FLT1: variants seen among roughly 807,000 people sequenced by gnomAD.
FLT1 encodes vascular endothelial growth factor receptor 1.
FLT1 carries 49 observed loss-of-function variants against 156.3 expected under a neutral mutation model. The ratio of observed to expected loss-of-function variants is 0.31; its 90% confidence interval spans 0.25 to 0.40. The LOEUF is 0.40. FLT1 is among the 10% of genes least tolerant of loss of function. The probability of loss-of-function intolerance (pLI) is 1.00; values close to 1 mark genes in which losing one functional copy is unlikely to be tolerated. For missense variants in FLT1, 1,322 were observed against 1,637.2 expected (o/e 0.81, Z 3.32); for synonymous variants, 594 against 583.8 (o/e 1.02, Z -0.25).
In FLT1 at chr13:28,303,175, G is replaced by A. The variant is rs1870583579; in HGVS notation, c.4009C>T (p.Pro1337Ser). The change falls in exon 30 of 30, where the codon CCC (proline) becomes TCC (serine). Residue 1337 changes from proline (P) to serine (S), a missense_variant. Pro to Ser is a moderately conservative substitution (Grantham distance 74, BLOSUM62 -1). Transcript: ENST00000282397. The stretch of plus-strand genomic sequence containing the variant: ...AGGCTTCGTGTCAAACTCTAGATGG[G>A]TGGGGTGGAGTACAGGACCACCGAG... Reference protein sequence around the residue: ...YNSVVLYSTPPI With the variant: ...YNSVVLYSTPSI 1.2e-6 allele frequency: 2 copies of A among 1,609,696 alleles called. No individual in the cohort carries two copies. The highest frequency in any genetic ancestry group is 2.2e-5 in the South Asian group (2 of 91,062).
chr13:28,355,932 G>C (rs1872882071), intron 15 of FLT1, among the ~76,000 whole-genome samples: 1 of 152,164 alleles, frequency 6.6e-6, no homozygotes, highest in South Asian at 2.1e-4. Flanking sequence ...ACATCAACCT[G>C]GCAGAAAAAG....
chr13:28,422,734 T>C (rs1398375495), intron 10 of FLT1, among the ~76,000 whole-genome samples: 1 of 152,086 alleles, frequency 6.6e-6, no homozygotes, highest in Non-Finnish European at 1.5e-5. Flanking sequence ...AATTGTCCAG[T>C]CAGCTACCCG....
At chr13:28,397,211 T>C in intron 11 of FLT1, 143 bp from the exon 12 acceptor site, 1 of 655,992 alleles carries the variant, frequency 1.5e-6, no homozygotes, top group South Asian at 1.8e-5. Context: ...ACCAGAAGGC[T>C]CTCCCCTTGC....
intron 1 of FLT1, among the ~76,000 whole-genome samples, chr13:28,469,100 CCT>C (rs1566046973): frequency 6.6e-6 from 1 of 152,168 alleles, no homozygotes; most frequent in East Asian, 1.9e-4. Context: ...AGCTGCAATG[CCT>C]CCGAAAGGCA....
rs754939265 is a variant in FLT1 at position 28,389,881 on chromosome 13, C to T, written c.1884G>A (p.Leu628=). Residue 628 remains leucine (L), a synonymous_variant, in exon 13 of 30, where the codon CTG becomes CTA. Transcript: ENST00000282397. The part of the protein sequence containing the change: ...TLNLTIMNVS[L]QDSGTYACRA... Reference sequence around the variant, plus strand: ...TGCAGGCATAGGTGCCTGAATCTTGCAGGGAAACATTCATGATGGTAAGAT... The same window carrying T: ...TGCAGGCATAGGTGCCTGAATCTTGTAGGGAAACATTCATGATGGTAAGAT... The T allele has an allele frequency of 1.9e-6, 3 of 1,614,140 alleles. No individual in the cohort carries two copies. Among genetic ancestry groups the T allele is most frequent in the Non-Finnish European group, 2.5e-6 (3 of 1,180,010 alleles).
intron 16 of FLT1, among the ~76,000 whole-genome samples, chr13:28,344,588 A>G (rs900475957): frequency 1.3e-5 from 2 of 152,184 alleles, no homozygotes; most frequent in African/African-American, 2.4e-5. Flanking sequence ...ATGAATGAAT[A>G]AATGTAAGCT....
intron 17 of FLT1, 94 bp downstream of exon 17, chr13:28,339,074 G>T: frequency 8.4e-7 from 1 of 1,185,898 alleles, no homozygotes; most frequent in Non-Finnish European, 1.2e-6. Flanking sequence ...TAGAATCCCA[G>T]GTCTAGTTTA....
At chr13:28,375,992 T>C (rs978159828) in intron 14 of FLT1, among the ~76,000 whole-genome samples, 1 of 152,254 alleles carries the variant, frequency 6.6e-6, no homozygotes, top group African/African-American at 2.4e-5. Context: ...AAACTGCTGA[T>C]TCTAGTAGCC....
At chr13:28,428,739 A>G (rs1877497286) in intron 8 of FLT1, among the ~76,000 whole-genome samples, 1 of 152,208 alleles carries the variant, frequency 6.6e-6, no homozygotes, top group Non-Finnish European at 1.5e-5. Context: ...GGTTCTTTAA[A>G]TAGGCAGTTT....
intron 3 of FLT1, among the ~76,000 whole-genome samples, chr13:28,444,420 G>A (rs910235569): frequency 2.6e-5 from 4 of 151,970 alleles, no homozygotes; most frequent in African/African-American, 9.7e-5. Flanking sequence ...CAGCCTGGGC[G>A]ACACAGCAAG....
chr13:28,319,913 T>C (rs556845606), intron 23 of FLT1, among the ~76,000 whole-genome samples: 19 of 152,288 alleles, frequency 1.2e-4, no homozygotes, highest in African/African-American at 4.6e-4. Flanking sequence ...GGTGGTGGTT[T>C]CCAAAAATTT....
At chr13:28,316,190 C>T (rs992824313) in intron 25 of FLT1, among the ~76,000 whole-genome samples, 2 of 152,364 alleles carry the variant, frequency 1.3e-5, no homozygotes, top group South Asian at 2.1e-4. Flanking sequence ...TGCTGTTGGG[C>T]CTGAGTCTCC....
intron 23 of FLT1, among the ~76,000 whole-genome samples, chr13:28,320,284 C>G (rs375306855): frequency 2.0e-5 from 3 of 152,100 alleles, no homozygotes; most frequent in African/African-American, 7.2e-5. Flanking sequence ...GACCAGGGCC[C>G]CAAGGAAAGT....
chr13:28,476,937 T>C (rs1378281973), intron 1 of FLT1, among the ~76,000 whole-genome samples: 1 of 152,214 alleles, frequency 6.6e-6, no homozygotes, highest in Non-Finnish European at 1.5e-5. Flanking sequence ...ATCACAGTGT[T>C]AGCCACTGAA....
Position 28,334,104 on chromosome 13 carries a change from A to G in FLT1, c.2514T>C (p.Phe838=), listed in dbSNP as rs1261004680. The G allele has an allele frequency of 6.2e-7, 1 of 1,613,472 alleles. No homozygotes were observed. Among genetic ancestry groups the G allele is most frequent in the Admixed American group, 1.7e-5 (1 of 60,032 alleles). ...KLGKSLGRGA[F]GKVVQASAFG... ...ATGCTGATGCTTGAACCACTTTTCC[A>G]AAAGCCCCTCTTCCAAGTGATTTGC... Residue 838 remains phenylalanine (F), a synonymous_variant, in exon 18 of 30, where the codon TTT becomes TTC. Transcript: ENST00000282397.
rs537662600 is a variant in FLT1, at chr13:28,374,756, GC to G, written c.2116+10128del. Among the ~76,000 whole-genome samples the G allele has an allele frequency of 6.1e-3, 929 of 152,016 alleles. 8 individuals carry two copies. The highest frequency in any genetic ancestry group is 0.021 in the African/African-American group (890 of 41,470). Reference sequence around the variant, plus strand: ...TCTCGATCTCCTGACCTTGTGATCCGCCCACCTCGGCCTCCCAAAGTGCTGA... The same window carrying G: ...TCTCGATCTCCTGACCTTGTGATCCGCCACCTCGGCCTCCCAAAGTGCTGA... On this transcript the variant is annotated intron_variant, in intron 14 of 29. Coordinates refer to ENST00000282397, the MANE Select transcript of FLT1 (RefSeq NM_002019.4).
intron 11 of FLT1, among the ~76,000 whole-genome samples, chr13:28,397,601 G>A (rs1203561896): frequency 2.6e-5 from 4 of 152,056 alleles, no homozygotes; most frequent in East Asian, 1.9e-4. Context: ...TGCCCAGGCT[G>A]GCCTTGAACT....
In FLT1 at chr13:28,424,654, A is replaced by T. The variant is rs1373570746; in HGVS notation, c.1436+2505T>A. 3.9e-5 allele frequency among the ~76,000 whole-genome samples: 6 copies of T among 152,328 alleles called. No individual in the cohort carries two copies. The East Asian group carries it at 1.2e-3, about 29-fold the overall frequency. The stretch of plus-strand genomic sequence containing the variant: ...TTAAACAAGTACATTCTGTCCTCAA[A>T]CTAAGCGAATGCTTTGGCCGTGGAT... On this transcript the variant is annotated intron_variant, in intron 10 of 29. Coordinates refer to ENST00000282397, the MANE Select transcript of FLT1 (RefSeq NM_002019.4).
Position 28,411,546 on chromosome 13 carries a change from C to CAA in FLT1, c.1437-5654_1437-5653dup, listed in dbSNP as rs71086852. Among the ~76,000 whole-genome samples the CAA allele has an allele frequency of 4.2e-3, 355 of 84,652 alleles. 5 individuals carry two copies. Among genetic ancestry groups the CAA allele is most frequent in the African/African-American group, 0.012 (282 of 22,812 alleles). 55.5% of individuals were successfully genotyped at this position (84,652 alleles called of 152,430 possible). A position where few individuals can be genotyped will look rare whatever the true frequency, so the allele number is the denominator to read the frequency against. On this transcript the variant is annotated intron_variant, in intron 10 of 29. Transcript: ENST00000282397. ...GGTCAAGAAGAGCGAAACTCCATCT[C>CAA]AAAAAAAAAAAAAAAAAAAAAACTT... is the stretch of plus-strand genomic sequence containing the variant.
Sources: allele counts gnomAD v4.1 joint callset (sites outside exome capture counted in the v4.1 genomes callset), GRCh38; gene constraint gnomAD v4.1.1; transcripts MANE v1.5; gene names NCBI Gene and HGNC (gene_info 2026-07-23, HGNC 2026-07-21).